Variants in DOCK1 observed in about 807,000 individuals in gnomAD.
The protein encoded by DOCK1 is dedicator of cytokinesis protein 1.
A neutral mutation model predicts 262.7 loss-of-function variants in DOCK1; 138 were observed. The observed-to-expected ratio is 0.53, with a 90% confidence interval of 0.46 to 0.61. DOCK1 has a LOEUF of 0.61. Among genes scored for constraint, DOCK1 ranks in the 20% least tolerant of loss-of-function variants. The pLI is 0.00. For missense variants in DOCK1, 1,908 were observed against 2,370.7 expected (o/e 0.80, Z 4.05); for synonymous variants, 866 against 867.4 (o/e 1.00, Z 0.03).
At chr10:127,290,133 G>T (rs1306787693) in intron 29 of DOCK1, among the ~76,000 whole-genome samples, 1 of 151,778 alleles carries the variant, frequency 6.6e-6, no homozygotes, top group African/African-American at 2.4e-5. Context: ...TTTCTGTTGA[G>T]TTTTTTGGGA....
Position 127,257,398 on chromosome 10 carries a change from G to A in DOCK1, c.3013G>A (p.Asp1005Asn), listed in dbSNP as rs1247285295. 1.2e-6 allele frequency: 2 copies of A among 1,607,182 alleles called. No homozygotes were observed. The highest frequency in any genetic ancestry group is 1.1e-5 in the South Asian group (1 of 89,350). ...CATTGGAAAGAACGTTTACCCCTTC[G>A]ACTGGGTGATCATGAACATGGTGCA... ...NLIGKNVYPF[D>N]WVIMNMVQNK... The change falls in exon 29 of 52, where the codon GAC (aspartate) becomes AAC (asparagine). Residue 1005 changes from aspartate (D) to asparagine (N), a missense_variant. Coordinates refer to ENST00000623213, the MANE Select transcript of DOCK1 (RefSeq NM_001290223.2).
At chr10:127,052,866 TC>T in intron 22 of DOCK1, 51 bp downstream of exon 22, 3 of 1,562,858 alleles carry the variant, frequency 1.9e-6, no homozygotes, top group Non-Finnish European at 2.6e-6. Flanking sequence ...TGGCAGGAGA[TC>T]CTTCACTTCT....
rs76746736 is a variant in DOCK1 at position 127,150,296 on chromosome 10, C to T, written c.2847+22532C>T. ...TTTGGGGGTGACTCACAGAACTGAC[C>T]GCAAGCTGCGAGGTCATCCAGCTCA... is the stretch of plus-strand genomic sequence containing the variant. On this transcript the variant is annotated intron_variant, in intron 27 of 51. Transcript: ENST00000623213. 7.6e-3 allele frequency among the ~76,000 whole-genome samples: 1,159 copies of T among 152,234 alleles called. 12 individuals carry two copies. Among genetic ancestry groups the T allele is most frequent in the Non-Finnish European group, 0.013 (868 of 68,016 alleles).
At chr10:126,993,909 C>CG (rs1248477858) in intron 6 of DOCK1, among the ~76,000 whole-genome samples, 1 of 152,164 alleles carries the variant, frequency 6.6e-6, no homozygotes, top group African/African-American at 2.4e-5. Context: ...CCTCAAGACT[C>CG]GAAGTCTCAG....
At chr10:127,042,810 T>C (rs2044107620) in intron 20 of DOCK1, 96 bp downstream of exon 20, 3 of 1,268,626 alleles carry the variant, frequency 2.4e-6, no homozygotes, top group African/African-American at 3.0e-5. Flanking sequence ...CACAGTGACC[T>C]TGAACGCATT....
intron 15 of DOCK1, chr10:127,026,080 A>G (rs1442412470): frequency 8.5e-6 from 3 of 354,014 alleles, no homozygotes; most frequent in African/African-American, 2.2e-5. Context: ...AAAGAAAGAA[A>G]AAAGAATCTT....
chr10:126,984,322 A>T (rs2039197099), intron 4 of DOCK1, among the ~76,000 whole-genome samples: 1 of 152,150 alleles, frequency 6.6e-6, no homozygotes, highest in Non-Finnish European at 1.5e-5. Flanking sequence ...TTTTCAAAAA[A>T]AATTATTATT....
At chr10:127,334,396 G>T (rs377288955) in intron 29 of DOCK1, among the ~76,000 whole-genome samples, 2 of 152,204 alleles carry the variant, frequency 1.3e-5, no homozygotes, top group African/African-American at 4.8e-5. Context: ...TTACTGGTTT[G>T]TTGTTGCTTT....
intron 4 of DOCK1, among the ~76,000 whole-genome samples, chr10:126,983,514 G>A (rs1378916036): frequency 1.3e-5 from 2 of 152,084 alleles, no homozygotes; most frequent in Admixed American, 6.5e-5. Flanking sequence ...CTGGTCTCTT[G>A]CATGATCGTT....
intron 26 of DOCK1, among the ~76,000 whole-genome samples, chr10:127,127,336 G>A (rs2050026328): frequency 6.6e-6 from 1 of 152,186 alleles, no homozygotes; most frequent in South Asian, 2.1e-4. Flanking sequence ...TCCATTTACA[G>A]ATGGCCAAAT....
At chr10:127,434,931 T>C (rs965903324) in intron 48 of DOCK1, among the ~76,000 whole-genome samples, 1 of 152,042 alleles carries the variant, frequency 6.6e-6, no homozygotes, top group Non-Finnish European at 1.5e-5. Context: ...GGATTACAGG[T>C]GTGAGCCACC....
At chr10:127,350,954 G>A (rs1447797902) in intron 31 of DOCK1, among the ~76,000 whole-genome samples, 1 of 152,164 alleles carries the variant, frequency 6.6e-6, no homozygotes, top group Non-Finnish European at 1.5e-5. Flanking sequence ...TGAGCACCAT[G>A]CACCATTCTG....
At chr10:127,264,858 G>GT (rs2060297906) in intron 29 of DOCK1, among the ~76,000 whole-genome samples, 1 of 152,162 alleles carries the variant, frequency 6.6e-6, no homozygotes, top group Admixed American at 6.5e-5. Flanking sequence ...TTGGAGAGAT[G>GT]GGGTTTCGCC....
intron 31 of DOCK1, among the ~76,000 whole-genome samples, chr10:127,353,358 A>G (rs1332800430): frequency 6.6e-6 from 1 of 152,178 alleles, no homozygotes; most frequent in African/African-American, 2.4e-5. Context: ...AGCCAGCACT[A>G]CAAGCCTCCA....
chr10:127,150,734 G>A (rs1397494226), intron 27 of DOCK1, among the ~76,000 whole-genome samples: 4 of 152,228 alleles, frequency 2.6e-5, no homozygotes, highest in Non-Finnish European at 5.9e-5. Flanking sequence ...TGGATTCAGT[G>A]CTTTGGAAAG....
intron 1 of DOCK1, among the ~76,000 whole-genome samples, chr10:126,945,500 G>A (rs899044514): frequency 6.6e-6 from 1 of 151,760 alleles, no homozygotes; most frequent in African/African-American, 2.4e-5. Flanking sequence ...TGCACACAAG[G>A]CAGAAGTCAG....
intron 27 of DOCK1, among the ~76,000 whole-genome samples, chr10:127,134,554 T>C (rs1404353385): frequency 6.6e-6 from 1 of 152,176 alleles, no homozygotes. Flanking sequence ...TGCACACTTG[T>C]AGAGTGACTG....
intron 4 of DOCK1, among the ~76,000 whole-genome samples, chr10:126,985,393 A>AGGT (rs1384824074): frequency 6.6e-6 from 1 of 152,128 alleles, no homozygotes; most frequent in Non-Finnish European, 1.5e-5. Flanking sequence ...GCAGGTAACA[A>AGGT]GGTGGTAACA....
intron 13 of DOCK1, among the ~76,000 whole-genome samples, chr10:127,020,927 A>T (rs910781910): frequency 6.6e-6 from 1 of 152,150 alleles, no homozygotes; most frequent in Admixed American, 6.5e-5. Context: ...CTACTTTCTC[A>T]TAGCTCGTTG....
Sources: gnomAD v4.1 joint callset for allele counts (sites outside exome capture counted in the v4.1 genomes callset) on GRCh38, gnomAD v4.1.1 for gene constraint, MANE v1.5 for transcripts, NCBI Gene and HGNC (gene_info 2026-07-23, HGNC 2026-07-21) for gene names.